ARHGEF26: variants seen among roughly 807,000 people sequenced by gnomAD.
ARHGEF26 encodes Rho guanine nucleotide exchange factor 26.
Under a neutral mutation model 89.4 loss-of-function variants are expected in ARHGEF26, and 59 were observed. The ratio of observed to expected loss-of-function variants is 0.66; its 90% CI spans 0.54 to 0.82. The LOEUF (loss-of-function observed/expected upper bound fraction) is 0.82, where lower values mean the gene tolerates loss of function less well. Ranked by LOEUF, ARHGEF26 falls within the 40% of genes least tolerant of loss-of-function variation. ARHGEF26 has a pLI of 0.00. For missense variants in ARHGEF26, 1,234 were observed against 1,085.6 expected (o/e 1.14, Z -1.92); for synonymous variants, 500 against 428.4 (o/e 1.17, Z -2.06).
chr3:154,202,764 A>G (rs561678298), intron 9 of ARHGEF26, among the ~76,000 whole-genome samples: 231 of 126,162 alleles, frequency 1.8e-3, no homozygotes, highest in Middle Eastern at 3.6e-3. Context: ...CTTTGAAGCA[A>G]TTGTGAATGG....
At chr3:154,227,831 ACT>A (rs1716587618) in intron 11 of ARHGEF26, among the ~76,000 whole-genome samples, 1 of 152,198 alleles carries the variant, frequency 6.6e-6, no homozygotes, top group Non-Finnish European at 1.5e-5. Flanking sequence ...TAAAATGTAC[ACT>A]GACAGTACCA....
chr3:154,174,677 A>G (rs1712686707), intron 6 of ARHGEF26, among the ~76,000 whole-genome samples: 1 of 152,238 alleles, frequency 6.6e-6, no homozygotes, highest in Non-Finnish European at 1.5e-5. Context: ...AATCAGTTAA[A>G]TAATATGCCT....
At position 154,122,490 on chromosome 3, in the gene ARHGEF26, T is replaced by G. The variant is rs780702029; in HGVS notation, c.498T>G (p.Thr166=). The change falls in exon 2 of 15, where the codon ACT becomes ACG. Residue 166 remains threonine (T), a synonymous_variant. Coordinates refer to ENST00000465093, the MANE Select transcript of ARHGEF26 (RefSeq NM_015595.4). ...CCGAGGAGGACCTTACTGGGTTGAC[T>G]GCCAGCCCGGTGCCTTCGCCCACTG... is the stretch of plus-strand genomic sequence containing the variant. ...CTPEEDLTGL[T]ASPVPSPTAN... 2 of 1,612,878 alleles carry G rather than the reference T, an allele frequency of 1.2e-6. No individual in the cohort carries two copies. Among genetic ancestry groups the G allele is most frequent in the South Asian group, 2.2e-5 (2 of 91,056 alleles).
intron 12 of ARHGEF26, among the ~76,000 whole-genome samples, chr3:154,250,221 G>A (rs528256205): frequency 6.6e-6 from 1 of 152,214 alleles, no homozygotes; most frequent in African/African-American, 2.4e-5. Context: ...CAGAGATGGG[G>A]TTTCTCCATG....
intron 4 of ARHGEF26, among the ~76,000 whole-genome samples, chr3:154,132,157 G>A (rs1718715433): frequency 6.6e-6 from 1 of 151,980 alleles, no homozygotes; most frequent in Non-Finnish European, 1.5e-5. Context: ...TGCCTTTTGT[G>A]TCTTCTTTTC....
At chr3:154,130,185 C>T (rs368911641) in intron 4 of ARHGEF26, among the ~76,000 whole-genome samples, 4 of 109,850 alleles carry the variant, frequency 3.6e-5, no homozygotes, top group East Asian at 3.2e-4. Context: ...CTTGCTCTGT[C>T]GCCCAGGCTG....
At chr3:154,204,365 T>C (rs446144) in intron 9 of ARHGEF26, among the ~76,000 whole-genome samples, 120,261 of 133,992 alleles carry the variant, frequency 0.9, 54,177 homozygotes, top group East Asian at 1. Context: ...ACAAGAGTTT[T>C]GCTGTATCTC....
At chr3:154,226,758 G>A (rs1478205941) in intron 11 of ARHGEF26, among the ~76,000 whole-genome samples, 2 of 151,520 alleles carry the variant, frequency 1.3e-5, no homozygotes, top group African/African-American at 4.9e-5. Context: ...CACATGTAAG[G>A]TCCTATGTAA....
intron 5 of ARHGEF26, 138 bp from the exon 6 acceptor site, chr3:154,152,634 A>G (rs989238455): frequency 5.6e-6 from 3 of 537,218 alleles, no homozygotes; most frequent in Non-Finnish European, 9.0e-6. Context: ...TTGTTTCTTT[A>G]ATGTTCTTTT....
intron 6 of ARHGEF26, among the ~76,000 whole-genome samples, chr3:154,160,788 G>C (rs1420813224): frequency 6.6e-6 from 1 of 152,092 alleles, no homozygotes; most frequent in African/African-American, 2.4e-5. Context: ...AATTAATTTG[G>C]TCTAGGACTA....
chr3:154,127,321 G>GAA (rs1718391149), intron 3 of ARHGEF26, among the ~76,000 whole-genome samples: 1 of 152,146 alleles, frequency 6.6e-6, no homozygotes, highest in Admixed American at 6.5e-5. Context: ...CAACTGTACA[G>GAA]AAATGTTTTA....
intron 9 of ARHGEF26, 35 bp from the exon 10 acceptor site, chr3:154,217,834 G>C (rs920403234): frequency 6.6e-7 from 1 of 1,522,472 alleles, no homozygotes; most frequent in East Asian, 2.4e-5. Context: ...TTCTCTCCTT[G>C]ACCTTTAACC....
Position 154,149,396 on chromosome 3 carries a change from G to T in ARHGEF26, c.1277G>T (p.Arg426Ile). The change falls in exon 5 of 15, where the codon AGA (arginine) becomes ATA (isoleucine). Residue 426 changes from arginine to isoleucine, a missense_variant. Transcript: ENST00000465093. ...STWSQLSAVK[R>I]KGLSQTVSQE... ...CTTTGCTTTTTCTCCTAGGTGAAAA[G>T]AAAGGGATTATCTCAGACAGTAAGC... 6.2e-7 allele frequency: 1 copy of T among 1,605,732 alleles called. No individual in the cohort carries two copies. Among genetic ancestry groups the T allele is most frequent in the Non-Finnish European group, 8.5e-7 (1 of 1,175,714 alleles).
At chr3:154,149,348 T>G (rs542350177) in intron 4 of ARHGEF26, 41 bp from the exon 5 acceptor site, 1 of 1,542,434 alleles carries the variant, frequency 6.5e-7, no homozygotes, top group Non-Finnish European at 8.8e-7. Flanking sequence ...ACTTTTAAAG[T>G]ATTAATAAAT....
chr3:154,156,089 A>G, intron 6 of ARHGEF26, among the ~76,000 whole-genome samples: 1 of 151,998 alleles, frequency 6.6e-6, no homozygotes, highest in East Asian at 1.9e-4. Context: ...CTGTCTGTGT[A>G]CTTATCTGTA....
At chr3:154,211,200 C>T (rs576889376) in intron 9 of ARHGEF26, among the ~76,000 whole-genome samples, 31 of 152,178 alleles carry the variant, frequency 2.0e-4, no homozygotes, top group Non-Finnish European at 4.1e-4. Context: ...TGTCTCTGGG[C>T]CTAGTTCAGC....
chr3:154,142,330 A>G (rs184359113), intron 4 of ARHGEF26, among the ~76,000 whole-genome samples: 1 of 152,248 alleles, frequency 6.6e-6, no homozygotes, highest in East Asian at 1.9e-4. Flanking sequence ...GGCCTCCCAA[A>G]GTGCTGGGAT....
chr3:154,257,147 C>A lies in ARHGEF26; in HGVS notation c.*1674C>A. 1 of 722,258 alleles carries A rather than the reference C, an allele frequency of 1.4e-6. No homozygotes were observed. 44.7% of individuals were successfully genotyped at this position (722,258 alleles called of 1,614,324 possible). On this transcript the variant is annotated 3_prime_UTR_variant, in exon 15 of 15. Transcript: ENST00000465093. ...CTGGCTCACACAGCCTGCACCCTGT[C>A]ACCTCGGCAATGAGCCAGTGTGGGG...
chr3:154,200,693 AT>A (rs1714572798), intron 9 of ARHGEF26, among the ~76,000 whole-genome samples: 2 of 151,324 alleles, frequency 1.3e-5, no homozygotes, highest in African/African-American at 4.8e-5. Context: ...TAATTTAATA[AT>A]TTTAATAATA....
Sources: allele counts gnomAD v4.1 joint callset (sites outside exome capture counted in the v4.1 genomes callset), GRCh38; gene constraint gnomAD v4.1.1; transcripts MANE v1.5; gene names NCBI Gene and HGNC (gene_info 2026-07-23, HGNC 2026-07-21).